ANK1: variants seen among roughly 807,000 people sequenced by gnomAD.
ANK1 encodes the protein ankyrin-1.
Under a neutral mutation model 210.4 loss-of-function variants are expected in ANK1, and 51 were observed. That is an observed-to-expected ratio of 0.24 (90% CI 0.19 to 0.31). The LOEUF (loss-of-function observed/expected upper bound fraction) is 0.31. Ranked by LOEUF, ANK1 falls within the 10% of genes least tolerant of loss-of-function variation. ANK1 has a pLI of 1.00. For missense variants in ANK1, 2,051 were observed against 2,504.4 expected (o/e 0.82, Z 3.86); for synonymous variants, 967 against 1,025.9 (o/e 0.94, Z 1.10).
Position 41,661,512 on chromosome 8 carries a change from C to G in ANK1, c.5597G>C (p.Gly1866Ala). Residue 1866 changes from glycine (G) to alanine (A), a missense_variant, in exon 42 of 43, where the codon GGG becomes GCG. Gly to Ala is a moderately conservative substitution (Grantham distance 60, BLOSUM62 0). Transcript: ENST00000289734. ...GCTGGCCCGCTTCACTATCTGCGCCCCCTTCCTGCCCTCTATCAGGTCCGG... is the reference window on the plus strand; with the variant it reads ...GCTGGCCCGCTTCACTATCTGCGCCGCCTTCCTGCCCTCTATCAGGTCCGG... ...LQPDLIEGRK[G>A]AQIVKRASLK... 1 of 1,614,124 alleles carries G rather than the reference C, an allele frequency of 6.2e-7. No individual in the cohort carries two copies. The highest frequency in any genetic ancestry group is 8.5e-7 in the Non-Finnish European group (1 of 1,180,050).
chr8:41,888,823 C>A (rs1372988558), intron 1 of ANK1, among the ~76,000 whole-genome samples: 2 of 152,148 alleles, frequency 1.3e-5, no homozygotes, highest in Non-Finnish European at 2.9e-5. Context: ...ACCTCAGGGC[C>A]CGGCGACGGA....
At chr8:41,732,776 T>A (rs1367194903) in intron 3 of ANK1, among the ~76,000 whole-genome samples, 1 of 151,768 alleles carries the variant, frequency 6.6e-6, no homozygotes, top group Non-Finnish European at 1.5e-5. Flanking sequence ...TCACCCAGGC[T>A]AGAGTGCAGT....
At chr8:41,785,429 A>G (rs1244868820) in intron 1 of ANK1, among the ~76,000 whole-genome samples, 1 of 152,236 alleles carries the variant, frequency 6.6e-6, no homozygotes, top group African/African-American at 2.4e-5. Context: ...CTCTGAGTCT[A>G]GGGCCAGCTT....
rs577332901 is a variant in ANK1, at chr8:41,689,774, A to C, written c.4104+453T>G. On this transcript the variant is annotated intron_variant, in intron 33 of 42. Coordinates refer to ENST00000289734, the MANE Select transcript of ANK1 (RefSeq NM_000037.4). ...GGCTTCCCTTCTGTGAGGGCCTAGC[A>C]CCCTGGGAAGATAAGCAGGTAGATG... 8.5e-5 allele frequency among the ~76,000 whole-genome samples: 13 copies of C among 152,264 alleles called. No individual in the cohort carries two copies. In the South Asian group the frequency reaches 1.0e-3, roughly 12 times the overall value.
chr8:41,663,112 C>CTGTGTGTG (rs763969947), intron 40 of ANK1, among the ~76,000 whole-genome samples: 3,786 of 129,468 alleles, frequency 0.029, 172 homozygotes, highest in African/African-American at 0.1. Context: ...CTCTCTCTCT[C>CTGTGTGTG]TCTGTGTGTG....
At chr8:41,872,004 C>T (rs532665122) in intron 1 of ANK1, among the ~76,000 whole-genome samples, 1 of 152,306 alleles carries the variant, frequency 6.6e-6, no homozygotes, top group East Asian at 1.9e-4. Flanking sequence ...GCCGCAGCAG[C>T]CCTGGATGAG....
intron 1 of ANK1, among the ~76,000 whole-genome samples, chr8:41,833,883 C>T (rs1482544658): frequency 7.2e-5 from 11 of 152,074 alleles, no homozygotes; most frequent in East Asian, 3.9e-4. Context: ...CTAAGAGCCC[C>T]GAGGCCATGC....
At chr8:41,822,122 GAGAAAGAAAGAGAAAGAAAGAA>G (rs1554639846) in intron 1 of ANK1, among the ~76,000 whole-genome samples, 159 of 31,912 alleles carry the variant, frequency 5.0e-3, no homozygotes, top group African/African-American at 0.015. Context: ...GAGAAAGAAA[GAGAAAGAAAGAGAAAGAAAGAA>G]AGAAAGAAAG....
chr8:41,727,351 G>A lies in ANK1; in HGVS notation c.328-3C>T, dbSNP rs1830960466. The A allele has an allele frequency of 5.0e-6, 8 of 1,610,360 alleles. No homozygotes were observed. The highest frequency in any genetic ancestry group is 6.8e-6 in the Non-Finnish European group (8 of 1,176,664). On this transcript the variant is annotated splice_polypyrimidine_tract_variant and splice_region_variant and intron_variant, in intron 4 of 42. Transcript: ENST00000289734. ...ATGTACAGGGGTGTAAAACCTTTCT[G>A]TAAACCAAGAGAGGACATCATTAGC...
At chr8:41,833,173 GCCTC>G (rs1806995500) in intron 1 of ANK1, among the ~76,000 whole-genome samples, 1 of 151,616 alleles carries the variant, frequency 6.6e-6, no homozygotes, top group Non-Finnish European at 1.5e-5. Context: ...CCCATCCCGG[GCCTC>G]CCTCCAGCAC....
chr8:41,842,861 G>C (rs1415327136), intron 1 of ANK1, among the ~76,000 whole-genome samples: 1 of 151,946 alleles, frequency 6.6e-6, no homozygotes, highest in Non-Finnish European at 1.5e-5. Context: ...TTGTTTGTTT[G>C]TTTTGAGACG....
rs1003494982 is a variant in ANK1 at position 41,654,779 on chromosome 8, A to AT, written c.*1010dup. 54 of 152,856 alleles carry AT rather than the reference A, an allele frequency of 3.5e-4. 1 individual carries two copies. The highest frequency in any genetic ancestry group is 1.3e-3 in the African/African-American group (53 of 41,594). The allele number at this position is 152,856 out of a possible 1,614,324, so 9.5% of individuals were successfully genotyped here. A position where few individuals can be genotyped will look rare whatever the true frequency, so the allele number is the denominator to read the frequency against. On this transcript the variant is annotated 3_prime_UTR_variant, in exon 43 of 43. Transcript: ENST00000289734. ...GTTTACACTTTGAACACGGACTATG[A>AT]TATAGTGCTTGAAGACATAGAAAAC... is the stretch of plus-strand genomic sequence containing the variant.
At chr8:41,726,008 G>T in intron 5 of ANK1, 62 bp from the exon 6 acceptor site, 2 of 1,569,154 alleles carry the variant, frequency 1.3e-6, no homozygotes, top group South Asian at 2.3e-5. Flanking sequence ...CTTCACACGG[G>T]ACACACCCTT....
intron 1 of ANK1, among the ~76,000 whole-genome samples, chr8:41,834,345 G>A (rs111821561): frequency 6.6e-6 from 1 of 152,252 alleles, no homozygotes; most frequent in South Asian, 2.1e-4. Context: ...AGAGGCAGGA[G>A]AAGATGAGCT....
At chr8:41,780,793 C>T (rs1406086359) in intron 1 of ANK1, among the ~76,000 whole-genome samples, 1 of 152,048 alleles carries the variant, frequency 6.6e-6, no homozygotes, top group Non-Finnish European at 1.5e-5. Context: ...TATATGTTCT[C>T]GTGTGTGTGT....
At chr8:41,697,997 T>G in intron 24 of ANK1, 46 bp downstream of exon 24, 1 of 1,594,928 alleles carries the variant, frequency 6.3e-7, no homozygotes, top group Non-Finnish European at 8.6e-7. Context: ...GTCCCAGGGT[T>G]TTCATGCCCT....
intron 1 of ANK1, among the ~76,000 whole-genome samples, chr8:41,894,364 A>G (rs1210490189): frequency 6.6e-6 from 1 of 152,166 alleles, no homozygotes; most frequent in Non-Finnish European, 1.5e-5. Flanking sequence ...GGAGGAATAT[A>G]TTAAATATTA....
At chr8:41,725,106 C>T (rs900269645) in intron 6 of ANK1, among the ~76,000 whole-genome samples, 5 of 152,250 alleles carry the variant, frequency 3.3e-5, no homozygotes, top group Non-Finnish European at 5.9e-5. Flanking sequence ...AAACCATCCT[C>T]CTGCCTCAAC....
intron 38 of ANK1, 131 bp downstream of exon 38, chr8:41,672,223 T>C: frequency 2.1e-6 from 2 of 968,062 alleles, no homozygotes; most frequent in Admixed American, 5.1e-5. Flanking sequence ...AGACTGAATG[T>C]ATGTGCTCCT....
Sources: allele counts gnomAD v4.1 joint callset (sites outside exome capture counted in the v4.1 genomes callset), GRCh38; gene constraint gnomAD v4.1.1; transcripts MANE v1.5; gene names NCBI Gene and HGNC (gene_info 2026-07-23, HGNC 2026-07-21).